SLC27A6: variants seen among roughly 807,000 people sequenced by gnomAD.
SLC27A6 encodes long-chain fatty acid transport protein 6.
SLC27A6 carries 74 observed loss-of-function variants against 63.9 expected under a neutral mutation model. That is an observed-to-expected ratio of 1.16 (90% CI 0.96 to 1.40). The LOEUF is 1.40. Ranked by LOEUF, SLC27A6 falls within the 40% of genes most tolerant of loss-of-function variation. The probability of loss-of-function intolerance (pLI) is 0.00; values close to 1 mark genes in which losing one functional copy is unlikely to be tolerated. For synonymous variants in SLC27A6, 287 were observed against 260.8 expected (o/e 1.10, Z -0.97); for missense variants, 794 against 732.9 (o/e 1.08, Z -0.96).
At chr5:128,977,771 C>T (rs1159756299) in intron 1 of SLC27A6, among the ~76,000 whole-genome samples, 2 of 152,248 alleles carry the variant, frequency 1.3e-5, no homozygotes, top group East Asian at 3.9e-4. Context: ...CTATGAAGTA[C>T]TTTAAAATGG....
chr5:128,970,127 G>A (rs1750081684), intron 1 of SLC27A6, among the ~76,000 whole-genome samples: 1 of 148,086 alleles, frequency 6.8e-6, no homozygotes, highest in Non-Finnish European at 1.5e-5. Flanking sequence ...CTTGATCATG[G>A]TGGATAAGCT....
intron 4 of SLC27A6, among the ~76,000 whole-genome samples, chr5:129,005,897 C>A (rs764666585): frequency 6.6e-6 from 1 of 151,544 alleles, no homozygotes; most frequent in Non-Finnish European, 1.5e-5. Flanking sequence ...CAGGCGTGAG[C>A]CACCGTGGCC....
chr5:128,990,052 C>T (rs1165970667), intron 3 of SLC27A6, among the ~76,000 whole-genome samples: 1 of 152,098 alleles, frequency 6.6e-6, no homozygotes, highest in Non-Finnish European at 1.5e-5. Flanking sequence ...TTATCAATAG[C>T]CATGCTCTAA....
chr5:129,015,965 C>T lies in SLC27A6; in HGVS notation c.1050C>T (p.Asp350=). 6.2e-7 allele frequency: 1 copy of T among 1,608,678 alleles called. No individual in the cohort carries two copies. Among genetic ancestry groups the T allele is most frequent in the Non-Finnish European group, 8.5e-7 (1 of 1,177,818 alleles). The change falls in exon 5 of 10, where the codon GAC becomes GAT. Residue 350 remains aspartate, a synonymous_variant. Coordinates refer to ENST00000262462, the MANE Select transcript of SLC27A6 (RefSeq NM_001017372.3). ...GTGATGTATGGAGAGAATTTTTAGACAGATTTGGAAATATAAAGGTGTGTG... is the reference window on the plus strand; with the variant it reads ...GTGATGTATGGAGAGAATTTTTAGATAGATTTGGAAATATAAAGGTGTGTG... The part of the protein sequence containing the change: ...IRSDVWREFL[D]RFGNIKVCEL...
At chr5:128,995,343 A>G (rs1275759648) in intron 4 of SLC27A6, among the ~76,000 whole-genome samples, 1 of 152,184 alleles carries the variant, frequency 6.6e-6, no homozygotes, top group Non-Finnish European at 1.5e-5. Context: ...CATTCATTCA[A>G]GTAATATTGT....
intron 4 of SLC27A6, among the ~76,000 whole-genome samples, chr5:128,994,150 G>C (rs982686544): frequency 4.6e-5 from 7 of 151,702 alleles, no homozygotes; most frequent in South Asian, 2.1e-4. Flanking sequence ...CTGGGTGACA[G>C]AGCAAGACTC....
At chr5:129,032,684 G>A (rs577666057) in intron 9 of SLC27A6, among the ~76,000 whole-genome samples, 22 of 152,014 alleles carry the variant, frequency 1.4e-4, no homozygotes, top group South Asian at 4.1e-4. Flanking sequence ...TCTGCACCCC[G>A]TCTGGCTCTT....
At chr5:129,006,411 TTC>T (rs1751538637) in intron 4 of SLC27A6, among the ~76,000 whole-genome samples, 1 of 150,916 alleles carries the variant, frequency 6.6e-6, no homozygotes, top group South Asian at 2.1e-4. Context: ...AAAGCTTTTT[TTC>T]TCTCTCACCT....
In SLC27A6 at chr5:129,015,882, CAG is replaced by C. The variant is rs1360879970; in HGVS notation, c.973_974del. On this transcript the variant is annotated splice_acceptor_variant, in intron 4 of 9. Coordinates refer to ENST00000262462, the MANE Select transcript of SLC27A6 (RefSeq NM_001017372.3). LOFTEE classifies it high-confidence loss of function. Reference sequence around the variant, plus strand: ...TTACAAGTAAAACATTTTCTTCTAACAGAGAGAAGGAGAAAAGGATCATAAGG... The same window carrying C: ...TTACAAGTAAAACATTTTCTTCTAACAGAGAAGGAGAAAAGGATCATAAGG... 6.4e-7 allele frequency: 1 copy of C among 1,565,734 alleles called. No homozygotes were observed. The highest frequency in any genetic ancestry group is 1.2e-5 in the South Asian group (1 of 81,514).
At chr5:129,025,523 G>C (rs771059151) in intron 6 of SLC27A6, among the ~76,000 whole-genome samples, 3 of 151,890 alleles carry the variant, frequency 2.0e-5, no homozygotes, top group Non-Finnish European at 4.4e-5. Flanking sequence ...TTACGCCTCA[G>C]TTTTTTCACC....
chr5:129,012,940 A>C, intron 4 of SLC27A6, among the ~76,000 whole-genome samples: 1 of 151,876 alleles, frequency 6.6e-6, no homozygotes, highest in East Asian at 1.9e-4. Flanking sequence ...CATTTTATGT[A>C]CTTATGATAT....
intron 1 of SLC27A6, among the ~76,000 whole-genome samples, chr5:128,969,043 T>A (rs142172726): frequency 0.24 from 36,632 of 152,022 alleles, 4,969 homozygotes; most frequent in Middle Eastern, 0.33. Context: ...TTTCTTGTTT[T>A]TGTCAGGTTT....
chr5:129,012,986 T>A (rs1751774536), intron 4 of SLC27A6, among the ~76,000 whole-genome samples: 1 of 152,056 alleles, frequency 6.6e-6, no homozygotes, highest in Non-Finnish European at 1.5e-5. Flanking sequence ...CTATTTTTTC[T>A]TGTTGTCTCA....
rs544417108 is a variant in SLC27A6, at chr5:128,966,388, A to T, written c.251A>T (p.Asp84Val). The T allele has an allele frequency of 1.1e-5, 18 of 1,613,162 alleles. 1 individual carries two copies. The South Asian group carries it at 1.6e-4, about 15-fold the overall frequency. Residue 84 changes from aspartate to valine, a missense_variant, in exon 1 of 10, where the codon GAT becomes GTT. Asp to Val is a radical substitution (Grantham distance 152). Coordinates refer to ENST00000262462, the MANE Select transcript of SLC27A6 (RefSeq NM_001017372.3). Reference sequence around the variant, plus strand: ...GAGGGAGACATCTACACCTATCAGGATGTAGACAAAAGGAGCAGCAGAGTG... The same window carrying T: ...GAGGGAGACATCTACACCTATCAGGTTGTAGACAAAAGGAGCAGCAGAGTG... ...IYEGDIYTYQ[D>V]VDKRSSRVAH...
At chr5:129,002,088 G>A (rs1751355186) in intron 4 of SLC27A6, among the ~76,000 whole-genome samples, 1 of 152,146 alleles carries the variant, frequency 6.6e-6, no homozygotes, top group South Asian at 2.1e-4. Context: ...GAAAGCTAGA[G>A]GGAAATATCT....
intron 4 of SLC27A6, among the ~76,000 whole-genome samples, chr5:129,008,952 C>T (rs1001822569): frequency 6.6e-6 from 1 of 150,504 alleles, no homozygotes; most frequent in African/African-American, 2.5e-5. Flanking sequence ...TTGCAACCTC[C>T]TCCTCCCGGG....
intron 6 of SLC27A6, among the ~76,000 whole-genome samples, chr5:129,025,384 C>T (rs31273): frequency 0.76 from 115,080 of 151,866 alleles, 43,856 homozygotes; most frequent in East Asian, 0.97. Context: ...TTCTGAAATA[C>T]AGGGAATGTA....
chr5:128,979,679 C>T (rs551131894), intron 1 of SLC27A6, among the ~76,000 whole-genome samples: 4 of 151,870 alleles, frequency 2.6e-5, no homozygotes, highest in African/African-American at 7.3e-5. Flanking sequence ...ATGAAGTGTT[C>T]GACTTTTTCT....
chr5:129,029,828 A>G lies in SLC27A6; in HGVS notation c.1683+121A>G, dbSNP rs112973846. 8,186 of 843,672 alleles carry G rather than the reference A, an allele frequency of 9.7e-3. 84 individuals carry two copies. The highest frequency in any genetic ancestry group is 0.011 in the Non-Finnish European group (5,750 of 542,206). The allele number at this position is 843,672 out of a possible 1,614,324, so 52.3% of individuals were successfully genotyped here. On this transcript the variant is annotated intron_variant, in intron 9 of 9. Coordinates refer to ENST00000262462, the MANE Select transcript of SLC27A6 (RefSeq NM_001017372.3). The stretch of plus-strand genomic sequence containing the variant: ...GAGTTATGTGAGAGGCGTGGCGTGT[A>G]GAGTTGATGCAGATCGATGCCATGT...
Sources: gnomAD v4.1 joint callset for allele counts (sites outside exome capture counted in the v4.1 genomes callset) on GRCh38, gnomAD v4.1.1 for gene constraint, MANE v1.5 for transcripts, NCBI Gene and HGNC (gene_info 2026-07-23, HGNC 2026-07-21) for gene names.